FAM234A: variants seen among roughly 807,000 people sequenced by gnomAD.
FAM234A encodes the protein protein FAM234A.
A neutral mutation model predicts 49.1 loss-of-function variants in FAM234A; 42 were observed. The ratio of observed to expected loss-of-function variants is 0.86; its 90% CI spans 0.67 to 1.11. The LOEUF is 1.11. FAM234A is among the 50% of genes least tolerant of loss of function. FAM234A has a pLI of 0.00. For missense variants in FAM234A, 815 were observed against 745.2 expected (o/e 1.09, Z -1.09); for synonymous variants, 369 against 316.2 (o/e 1.17, Z -1.77).
At chr16:239,812 GT>G (rs2050550207) in intron 1 of FAM234A, among the ~76,000 whole-genome samples, 1 of 152,094 alleles carries the variant, frequency 6.6e-6, no homozygotes, top group Non-Finnish European at 1.5e-5. Flanking sequence ...TACTGTAAAA[GT>G]TTTTCAGTTC....
intron 2 of FAM234A, among the ~76,000 whole-genome samples, chr16:253,575 C>T (rs1437370146): frequency 7.9e-5 from 12 of 151,842 alleles, no homozygotes; most frequent in Non-Finnish European, 4.4e-5. Context: ...CCCGGGTTCA[C>T]GCCATTCTCC....
At position 238,765 on chromosome 16, in the gene FAM234A, CAAA is replaced by C. The variant is rs34366851; in HGVS notation, c.-140+3927_-140+3929del. On this transcript the variant is annotated intron_variant, in intron 1 of 12. Transcript: ENST00000399932. ...TGGGCGACAGAGTGAGACTCCGTCT[CAAA>C]AAAAAAAAAAAAAAAAAAGAAAAAA... is the stretch of plus-strand genomic sequence containing the variant. Among the ~76,000 whole-genome samples the C allele has an allele frequency of 6.1e-4, 23 of 37,896 alleles. 1 individual carries two copies. The highest frequency in any genetic ancestry group is 1.4e-3 in the Admixed American group (4 of 2,890). 24.9% of individuals were successfully genotyped at this position (37,896 alleles called of 152,430 possible). A position where few individuals can be genotyped will look rare whatever the true frequency, so the allele number is the denominator to read the frequency against.
downstream of FAM234A, chr16:269,643 C>A: frequency 7.4e-7 from 1 of 1,347,128 alleles, no homozygotes. Context: ...TCAGCCAGCT[C>A]CACCCGAAGG....
chr16:240,548 G>A (rs1474246758), intron 1 of FAM234A, among the ~76,000 whole-genome samples: 1 of 151,374 alleles, frequency 6.6e-6, no homozygotes, highest in African/African-American at 2.4e-5. Flanking sequence ...TGTTGCCAAG[G>A]CTGGAGTACA....
Position 259,596 on chromosome 16 carries a change from G to A in FAM234A, c.382G>A (p.Glu128Lys), listed in dbSNP as rs376186132. 3.2e-5 allele frequency: 51 copies of A among 1,578,478 alleles called. No homozygotes were observed. The highest frequency in any genetic ancestry group is 4.2e-5 in the Non-Finnish European group (48 of 1,149,090). Residue 128 changes from glutamate (E) to lysine (K), a missense_variant, in exon 4 of 13, where the codon GAA becomes AAA. Physicochemically the swap from Glu to Lys is moderately conservative, Grantham distance 56. Transcript: ENST00000399932. ...CAATTTCAGCCGATCCTGTGTGGACGAAGGTAATTTCATTTTATATGAAAA... is the reference window on the plus strand; with the variant it reads ...CAATTTCAGCCGATCCTGTGTGGACAAAGGTAATTTCATTTTATATGAAAA... The part of the protein sequence containing the change: ...SNNFSRSCVD[E>K]GFSSPCTFAA...
Position 262,118 on chromosome 16 carries a change from G to A in FAM234A, c.734G>A (p.Ser245Asn). 1.2e-6 allele frequency: 2 copies of A among 1,614,030 alleles called. No homozygotes were observed. The highest frequency in any genetic ancestry group is 8.5e-7 in the Non-Finnish European group (1 of 1,180,006). ...EEVSGHLYSG[S>N]TGHQIGLRGS... ...GTTAGTGGCCACCTCTACTCCGGCA[G>A]CACCGGGCACCAGATTGGCCTCAGA... The change falls in exon 7 of 13, where the codon AGC (serine) becomes AAC (asparagine). Residue 245 changes from serine (S) to asparagine (N), a missense_variant. Coordinates refer to ENST00000399932, the MANE Select transcript of FAM234A (RefSeq NM_032039.4).
intron 2 of FAM234A, among the ~76,000 whole-genome samples, chr16:251,082 G>A (rs533219589): frequency 2.6e-5 from 4 of 152,180 alleles, no homozygotes; most frequent in East Asian, 1.9e-4. Context: ...TCAGCCTCCC[G>A]AGTAGCTGGG....
At chr16:267,046 G>T (rs1331172449), downstream of FAM234A, among the ~76,000 whole-genome samples, 2 of 152,118 alleles carry the variant, frequency 1.3e-5, no homozygotes, top group Non-Finnish European at 2.9e-5. Flanking sequence ...TTGCTGGTGG[G>T]CAGAAGTTTC....
intron 2 of FAM234A, among the ~76,000 whole-genome samples, chr16:251,564 GAC>G (rs889613189): frequency 4.0e-5 from 6 of 151,270 alleles, no homozygotes; most frequent in Non-Finnish European, 7.4e-5. Context: ...TTTTAGTAGA[GAC>G]AGAGTCTCGC....
At chr16:253,076 GTT>G (rs1443041175) in intron 2 of FAM234A, among the ~76,000 whole-genome samples, 1 of 152,182 alleles carries the variant, frequency 6.6e-6, no homozygotes, top group Non-Finnish European at 1.5e-5. Context: ...TTTTTTTCTC[GTT>G]TTATACAGTC....
At chr16:248,663 C>G (rs1031411522) in intron 1 of FAM234A, among the ~76,000 whole-genome samples, 3 of 151,844 alleles carry the variant, frequency 2.0e-5, no homozygotes, top group African/African-American at 7.3e-5. Flanking sequence ...TTCTGTTGCC[C>G]AGGATGGAGT....
At chr16:266,598 G>C (rs554904438), downstream of FAM234A, among the ~76,000 whole-genome samples, 27 of 152,320 alleles carry the variant, frequency 1.8e-4, no homozygotes, top group African/African-American at 6.5e-4. Context: ...ATGTATGCAA[G>C]TGTGAAAAGC....
rs73486206 is a variant in FAM234A at position 263,645 on chromosome 16, C to T, written c.1113-55C>T. 1.9e-3 allele frequency: 2,740 copies of T among 1,435,894 alleles called. 47 individuals are homozygous for T. In the African/African-American group the frequency reaches 0.03, roughly 16 times the overall value. The allele number at this position is 1,435,894 out of a possible 1,614,324, so 88.9% of individuals were successfully genotyped here. ...CGGACGTGTTCCTGGGTGCTTCCTT[C>T]ATCTCAGTCTCCTCACTGAGACCCC... On this transcript the variant is annotated intron_variant, in intron 9 of 12. Transcript: ENST00000399932.
chr16:250,729 G>A (rs1358429029), intron 2 of FAM234A, among the ~76,000 whole-genome samples: 1 of 152,152 alleles, frequency 6.6e-6, no homozygotes, highest in South Asian at 2.1e-4. Flanking sequence ...GACTCTCCCT[G>A]TTCCGCACCT....
In FAM234A at chr16:262,200, T is replaced by C; in HGVS notation, c.816T>C (p.Gly272=). ...SGFLLHVTRT[G]AHYILFPCAS... is the part of the protein sequence containing the mutation. ...TCCTCCTTCACGTCACCAGGACAGG[T>C]GCCCACTACATCCTCTTTCCCTGCG... is the stretch of plus-strand genomic sequence containing the variant. The change falls in exon 7 of 13, where the codon GGT becomes GGC. Residue 272 remains glycine (G), a synonymous_variant. Transcript: ENST00000399932. The C allele has an allele frequency of 6.2e-7, 1 of 1,613,910 alleles. No homozygotes were observed. The highest frequency in any genetic ancestry group is 8.5e-7 in the Non-Finnish European group (1 of 1,180,000).
Position 264,812 on chromosome 16 carries a change from C to T in FAM234A, c.1449C>T (p.Ala483=), listed in dbSNP as rs569334948. Reference sequence around the variant, plus strand: ...ACAGCTGTGTCCCCCACCCTGCAGCCGTCCTGTTTGAGCCAAGCCGCCACG... The same window carrying T: ...ACAGCTGTGTCCCCCACCCTGCAGCTGTCCTGTTTGAGCCAAGCCGCCACG... ...NVSTHIVAFD[A]VLFEPSRHAA... is the part of the protein sequence containing the mutation. Residue 483 remains alanine (A), a splice_region_variant and synonymous_variant, in exon 13 of 13, where the codon GCC becomes GCT. Coordinates refer to ENST00000399932, the MANE Select transcript of FAM234A (RefSeq NM_032039.4). The T allele has an allele frequency of 4.5e-5, 72 of 1,608,784 alleles. No individual in the cohort carries two copies. The East Asian group carries it at 1.1e-3, about 24-fold the overall frequency.
chr16:264,752 G>A (rs780463162), intron 12 of FAM234A, 36 bp downstream of exon 12: 70 of 1,606,416 alleles, frequency 4.4e-5, no homozygotes, highest in East Asian at 2.5e-4. Flanking sequence ...CGGGTGTTCC[G>A]CGGGGTCTGC....
At chr16:268,778 T>C (rs1235530624), downstream of FAM234A, 4 of 1,549,946 alleles carry the variant, frequency 2.6e-6, no homozygotes, top group Non-Finnish European at 3.5e-6. Flanking sequence ...TCTTCCAGGC[T>C]CACACTGGGC....
At chr16:244,455 C>A (rs2050733664) in intron 1 of FAM234A, among the ~76,000 whole-genome samples, 1 of 152,162 alleles carries the variant, frequency 6.6e-6, no homozygotes. Flanking sequence ...AAAATAGCTT[C>A]ATATTAAGGT....
Sources: allele counts gnomAD v4.1 joint callset (sites outside exome capture counted in the v4.1 genomes callset), GRCh38; gene constraint gnomAD v4.1.1; transcripts MANE v1.5; gene names NCBI Gene and HGNC (gene_info 2026-07-23, HGNC 2026-07-21).